The following RIPOR2 variants were observed in gnomAD, a reference collection of about 807,000 sequenced individuals.
The protein encoded by RIPOR2 is rho family-interacting cell polarization regulator 2.
RIPOR2 carries 39 observed loss-of-function variants against 114.5 expected under a neutral mutation model. The observed-to-expected ratio is 0.34, with a 90% CI of 0.26 to 0.44. The LOEUF (loss-of-function observed/expected upper bound fraction) is 0.44. RIPOR2 is among the 20% of genes least tolerant of loss of function. RIPOR2 has a pLI of 1.00. For missense variants in RIPOR2, 1,007 were observed against 1,255.1 expected, an observed-to-expected ratio of 0.80 and a Z score of 2.99; for synonymous variants, 445 against 484.4, an observed-to-expected ratio of 0.92 and a Z score of 1.07.
intron 8 of RIPOR2, among the ~76,000 whole-genome samples, 192 bp downstream of exon 8, chr6:24,860,781 T>C (rs567261575): frequency 3.3e-5 from 5 of 152,336 alleles, no homozygotes; most frequent in African/African-American, 4.8e-5. Flanking sequence ...GATTCTGTCA[T>C]AATATTTTTG....
chr6:24,909,214 G>T (rs1769297572), intron 1 of RIPOR2, among the ~76,000 whole-genome samples: 1 of 152,142 alleles, frequency 6.6e-6, no homozygotes, highest in African/African-American at 2.4e-5. Context: ...GGAGATGGGG[G>T]CTTCAGATAG....
At chr6:24,951,360 G>A (rs142498617) in intron 1 of RIPOR2, among the ~76,000 whole-genome samples, 5 of 152,252 alleles carry the variant, frequency 3.3e-5, no homozygotes, top group East Asian at 1.9e-4. Context: ...ATTTTCTCAC[G>A]TAAATTAATC....
chr6:25,018,631 A>C (rs780949889), intron 1 of RIPOR2, among the ~76,000 whole-genome samples: 12 of 152,198 alleles, frequency 7.9e-5, no homozygotes, highest in Admixed American at 3.3e-4. Flanking sequence ...TTCCTCCAAT[A>C]TGTTTAACTT....
intron 1 of RIPOR2, among the ~76,000 whole-genome samples, chr6:25,003,826 G>A (rs1775424542): frequency 6.6e-6 from 1 of 152,098 alleles, no homozygotes; most frequent in Non-Finnish European, 1.5e-5. Context: ...TTTCCAACAG[G>A]TAAGTGCAAA....
chr6:24,848,171 C>G lies in RIPOR2; in HGVS notation c.1035-17G>C, dbSNP rs368266592. 6.2e-7 allele frequency: 1 copy of G among 1,612,202 alleles called. No homozygotes were observed. On this transcript the variant is annotated splice_polypyrimidine_tract_variant and intron_variant, in intron 11 of 21. Coordinates refer to ENST00000643898, the MANE Select transcript of RIPOR2 (RefSeq NM_001286445.3). ...TCAAATGGACTGCAAAACAACAGGT[C>G]CCCAGGTATGCACATTTGGCAAAAT...
intron 12 of RIPOR2, among the ~76,000 whole-genome samples, chr6:24,844,738 A>T (rs1482510053): frequency 1.3e-5 from 2 of 152,082 alleles, no homozygotes; most frequent in East Asian, 1.9e-4. Context: ...CAGCCTCCCA[A>T]AGTGCTGGGA....
intron 1 of RIPOR2, among the ~76,000 whole-genome samples, chr6:24,887,228 T>C (rs6914915): frequency 0.11 from 16,386 of 152,208 alleles, 1,249 homozygotes; most frequent in African/African-American, 0.22. Context: ...ATGTCTTATC[T>C]CTTTAACCAA....
rs566726765 is a variant in RIPOR2, at chr6:24,889,963, C to T, written c.62-14146G>A. ...CTGGAGTGCAATGGTGTGATCTTGG[C>T]TCACTGCAACCTCTGCCTCCCGGGT... On this transcript the variant is annotated intron_variant, in intron 1 of 21. Coordinates refer to ENST00000643898, the MANE Select transcript of RIPOR2 (RefSeq NM_001286445.3). Among the ~76,000 whole-genome samples, 4 of 152,186 alleles carry T rather than the reference C, an allele frequency of 2.6e-5. No homozygotes were observed. The South Asian group carries it at 8.3e-4, about 32-fold the overall frequency.
chr6:25,023,130 C>A, intron 1 of RIPOR2: 1 of 512,800 alleles, frequency 2.0e-6, no homozygotes, highest in Non-Finnish European at 3.8e-6. Flanking sequence ...GCCTGGTAGC[C>A]CCACTACGCT....
intron 1 of RIPOR2, among the ~76,000 whole-genome samples, chr6:24,920,368 T>G (rs952606702): frequency 2.0e-5 from 3 of 152,214 alleles, no homozygotes; most frequent in Non-Finnish European, 4.4e-5. Context: ...CATTCCCTGA[T>G]GCATTCCCAC....
chr6:24,970,835 T>G (rs186430214), intron 1 of RIPOR2, among the ~76,000 whole-genome samples: 1 of 152,270 alleles, frequency 6.6e-6, no homozygotes, highest in Non-Finnish European at 1.5e-5. Flanking sequence ...CACTCTGTAG[T>G]CAGACGGCCT....
At chr6:24,835,110 T>C (rs1761014753) in intron 15 of RIPOR2, among the ~76,000 whole-genome samples, 1 of 152,188 alleles carries the variant, frequency 6.6e-6, no homozygotes, top group Non-Finnish European at 1.5e-5. Flanking sequence ...TAAGAACATT[T>C]TGCTCCACTG....
intron 1 of RIPOR2, among the ~76,000 whole-genome samples, chr6:24,895,972 C>G (rs1767834848): frequency 6.6e-6 from 1 of 152,090 alleles, no homozygotes; most frequent in African/African-American, 2.4e-5. Flanking sequence ...GCCTGGGGAA[C>G]AGAGCGAGAC....
At chr6:24,942,212 T>C (rs929857330) in intron 1 of RIPOR2, among the ~76,000 whole-genome samples, 22 of 152,336 alleles carry the variant, frequency 1.4e-4, no homozygotes, top group African/African-American at 5.3e-4. Context: ...TAGTACTTGA[T>C]CCTTTGGTAA....
At chr6:25,027,559 T>A (rs1776690181) in intron 1 of RIPOR2, among the ~76,000 whole-genome samples, 1 of 152,252 alleles carries the variant, frequency 6.6e-6, no homozygotes, top group South Asian at 2.1e-4. Context: ...GTGGTGGCCA[T>A]GCTGCAGGTG....
At chr6:24,829,957 T>C (rs1400307794) in intron 17 of RIPOR2, among the ~76,000 whole-genome samples, 1 of 152,138 alleles carries the variant, frequency 6.6e-6, no homozygotes, top group African/African-American at 2.4e-5. Context: ...TAACAATACA[T>C]AAGAATGTAG....
chr6:24,908,922 G>A (rs1769256914), intron 1 of RIPOR2, among the ~76,000 whole-genome samples: 1 of 152,130 alleles, frequency 6.6e-6, no homozygotes. Context: ...CTGTAGCTTG[G>A]TATTTCTTTT....
intron 20 of RIPOR2, among the ~76,000 whole-genome samples, chr6:24,817,757 T>C (rs1781329444): frequency 6.6e-6 from 1 of 152,174 alleles, no homozygotes; most frequent in South Asian, 2.1e-4. Context: ...GCTCTCTCCC[T>C]GCTCACGACA....
At chr6:24,840,043 G>C (rs546400816) in intron 13 of RIPOR2, 1 of 818,140 alleles carries the variant, frequency 1.2e-6, no homozygotes, top group Non-Finnish European at 1.5e-6. Flanking sequence ...TCAATCTCCC[G>C]GGCTTAAGCA....
Sources: gnomAD v4.1 joint callset for allele counts (sites outside exome capture counted in the v4.1 genomes callset) on GRCh38, gnomAD v4.1.1 for gene constraint, MANE v1.5 for transcripts, NCBI Gene and HGNC (gene_info 2026-07-23, HGNC 2026-07-21) for gene names.